EIF3H: variants seen among roughly 807,000 people sequenced by gnomAD.
The protein encoded by EIF3H is eukaryotic translation initiation factor 3 subunit H, also known as eIF-3-gamma.
In EIF3H, 26 loss-of-function variants were observed where a neutral mutation model predicts 44.2. The ratio of observed to expected loss-of-function variants is 0.59; its 90% CI spans 0.43 to 0.82. EIF3H has a LOEUF of 0.82. Ranked by LOEUF, EIF3H falls within the 40% of genes least tolerant of loss-of-function variation. EIF3H has a pLI of 0.00. For missense variants in EIF3H, 359 were observed against 432.8 expected (o/e 0.83, Z 1.51); for synonymous variants, 166 against 151.9 (o/e 1.09, Z -0.68).
intron 2 of EIF3H, among the ~76,000 whole-genome samples, chr8:116,665,715 C>G (rs961685981): frequency 1.3e-5 from 2 of 152,124 alleles, no homozygotes; most frequent in African/African-American, 4.8e-5. Context: ...CATGGGACAC[C>G]AGTGAGCACT....
chr8:116,755,815 A>T lies in EIF3H; in HGVS notation c.-18T>A. 2 of 1,611,704 alleles carry T rather than the reference A, an allele frequency of 1.2e-6. No homozygotes were observed. The highest frequency in any genetic ancestry group is 8.5e-7 in the Non-Finnish European group (1 of 1,179,926). ...GACGCCATCTTTCCAAGCAGACAGG[A>T]AGAAAGAGAAACGTGAGTTACCGGA... On this transcript the variant is annotated 5_prime_UTR_variant, in exon 1 of 8. Coordinates refer to ENST00000521861, the MANE Select transcript of EIF3H (RefSeq NM_003756.3).
chr8:116,713,902 T>C (rs774478690), intron 2 of EIF3H, among the ~76,000 whole-genome samples: 3 of 152,118 alleles, frequency 2.0e-5, no homozygotes, highest in Non-Finnish European at 4.4e-5. Flanking sequence ...GTTACCTGCA[T>C]ACATAATGCT....
At chr8:116,681,666 C>CAAAAAAAA (rs1176033381) in intron 2 of EIF3H, among the ~76,000 whole-genome samples, 1 of 90,766 alleles carries the variant, frequency 1.1e-5, no homozygotes, top group African/African-American at 3.8e-5. Flanking sequence ...AACTCCATCT[C>CAAAAAAAA]AAAAAAAAAA....
intron 1 of EIF3H, among the ~76,000 whole-genome samples, chr8:116,734,862 G>C (rs921083169): frequency 6.6e-6 from 1 of 152,082 alleles, no homozygotes; most frequent in African/African-American, 2.4e-5. Flanking sequence ...TGCCAAGCAG[G>C]AACAGTTATA....
At chr8:116,660,289 T>C (rs779365313) in intron 2 of EIF3H, among the ~76,000 whole-genome samples, 1 of 152,240 alleles carries the variant, frequency 6.6e-6, no homozygotes. Context: ...ACTCAGGTTT[T>C]AGCAAAAGAA....
At chr8:116,681,095 G>C (rs888975373) in intron 2 of EIF3H, among the ~76,000 whole-genome samples, 2 of 152,148 alleles carry the variant, frequency 1.3e-5, no homozygotes, top group African/African-American at 4.8e-5. Context: ...AGGCGTGGTG[G>C]CTCACACCTG....
intron 2 of EIF3H, among the ~76,000 whole-genome samples, chr8:116,690,879 A>T (rs1159039093): frequency 6.6e-6 from 1 of 152,240 alleles, no homozygotes; most frequent in East Asian, 1.9e-4. Context: ...TAAGCAAATG[A>T]ATCAGAAACC....
chr8:116,735,285 G>A (rs41339048), intron 1 of EIF3H, among the ~76,000 whole-genome samples: 7,946 of 152,236 alleles, frequency 0.052, 692 homozygotes, highest in African/African-American at 0.18. Context: ...AGCCACGAAA[G>A]TAGAAACTGA....
chr8:116,645,195 A>AGGT, intron 7 of EIF3H, 92 bp from the exon 8 acceptor site: 1 of 908,386 alleles, frequency 1.1e-6, no homozygotes, highest in Non-Finnish European at 1.7e-6. Flanking sequence ...AGCATAAAAC[A>AGGT]GAATCACCTG....
chr8:116,707,702 ATC>A (rs1814494553), intron 2 of EIF3H, among the ~76,000 whole-genome samples: 1 of 152,072 alleles, frequency 6.6e-6, no homozygotes, highest in Non-Finnish European at 1.5e-5. Flanking sequence ...AGCCCTCATT[ATC>A]TGTTTTCCCC....
At chr8:116,647,227 G>A (rs571560030) in intron 6 of EIF3H, among the ~76,000 whole-genome samples, 234 of 151,936 alleles carry the variant, frequency 1.5e-3, no homozygotes, top group Non-Finnish European at 2.3e-3. Flanking sequence ...TCAGCCTCCC[G>A]AGTAGTTGGG....
At chr8:116,741,044 CTCTTT>C (rs1440122983) in intron 1 of EIF3H, among the ~76,000 whole-genome samples, 1 of 152,170 alleles carries the variant, frequency 6.6e-6, no homozygotes, top group Non-Finnish European at 1.5e-5. Context: ...TTCACCTCTT[CTCTTT>C]TTTCCTTTTT....
intron 4 of EIF3H, among the ~76,000 whole-genome samples, chr8:116,656,390 A>G (rs1358930162): frequency 2.0e-5 from 3 of 152,216 alleles, no homozygotes; most frequent in East Asian, 1.9e-4. Context: ...TATTTCTTGA[A>G]AAGTTCATTT....
intron 2 of EIF3H, among the ~76,000 whole-genome samples, chr8:116,693,114 GTA>G (rs1289266662): frequency 6.6e-6 from 1 of 152,062 alleles, no homozygotes; most frequent in Non-Finnish European, 1.5e-5. Context: ...TGAACCCTAA[GTA>G]AGTTTTTCCC....
chr8:116,739,506 C>A (rs188177350), intron 1 of EIF3H, among the ~76,000 whole-genome samples: 18 of 152,228 alleles, frequency 1.2e-4, no homozygotes, highest in African/African-American at 4.3e-4. Flanking sequence ...AAAAATTAGC[C>A]GGGCGTGGTG....
At chr8:116,760,082 T>C (rs937299494), upstream of EIF3H, among the ~76,000 whole-genome samples, 1 of 152,200 alleles carries the variant, frequency 6.6e-6, no homozygotes, top group Non-Finnish European at 1.5e-5. Context: ...ATCATGGATC[T>C]GGATGTCTAG....
chr8:116,700,717 T>C (rs578034181), intron 2 of EIF3H, among the ~76,000 whole-genome samples: 1 of 152,324 alleles, frequency 6.6e-6, no homozygotes, highest in Admixed American at 6.5e-5. Flanking sequence ...TAAGTAAAAC[T>C]GGCAACTACT....
At chr8:116,700,596 A>G (rs987786064) in intron 2 of EIF3H, among the ~76,000 whole-genome samples, 3 of 152,298 alleles carry the variant, frequency 2.0e-5, no homozygotes, top group Non-Finnish European at 2.9e-5. Context: ...GCAAAAAAAG[A>G]CAAAGATCAA....
At chr8:116,672,879 C>T (rs766154220) in intron 2 of EIF3H, among the ~76,000 whole-genome samples, 9 of 152,154 alleles carry the variant, frequency 5.9e-5, no homozygotes, top group Non-Finnish European at 7.4e-5. Flanking sequence ...CAAACAAGAA[C>T]GCCTCTCTCA....
Sources: allele counts gnomAD v4.1 joint callset (sites outside exome capture counted in the v4.1 genomes callset), GRCh38; gene constraint gnomAD v4.1.1; transcripts MANE v1.5; gene names NCBI Gene and HGNC (gene_info 2026-07-23, HGNC 2026-07-21).